The following NAPEPLD variants were observed in gnomAD, a reference collection of about 807,000 sequenced individuals.
NAPEPLD encodes N-acyl phosphatidylethanolamine phospholipase D.
A neutral mutation model predicts 38.1 loss-of-function variants in NAPEPLD; 23 were observed. That is an observed-to-expected ratio of 0.60 (90% CI 0.43 to 0.86). The LOEUF is 0.86. Among genes scored for constraint, NAPEPLD ranks in the 40% least tolerant of loss-of-function variants. The pLI is 0.00. For synonymous variants in NAPEPLD, 147 were observed against 162.0 expected, an observed-to-expected ratio of 0.91 and a Z score of 0.71; for missense variants, 411 against 476.8, an observed-to-expected ratio of 0.86 and a Z score of 1.28.
chr7:103,131,933 G>C (rs1809029967), intron 1 of NAPEPLD, among the ~76,000 whole-genome samples: 1 of 152,190 alleles, frequency 6.6e-6, no homozygotes. Flanking sequence ...GGCCAACACA[G>C]TGAAGGCTCG....
intron 1 of NAPEPLD, among the ~76,000 whole-genome samples, chr7:103,133,010 A>G (rs186351657): frequency 1.1e-3 from 163 of 152,320 alleles, no homozygotes; most frequent in Non-Finnish European, 1.9e-3. Flanking sequence ...TAACACACAC[A>G]AAGTCCAGTT....
chr7:103,118,691 TTTG>T (rs1253718203), intron 3 of NAPEPLD, among the ~76,000 whole-genome samples: 2 of 152,222 alleles, frequency 1.3e-5, no homozygotes, highest in African/African-American at 2.4e-5. Context: ...CTATTAGTGT[TTTG>T]TTTTCTCTTT....
At chr7:103,129,125 C>T (rs957381436) in intron 1 of NAPEPLD, among the ~76,000 whole-genome samples, 5 of 152,092 alleles carry the variant, frequency 3.3e-5, no homozygotes, top group African/African-American at 1.2e-4. Context: ...ATTAGCCAGG[C>T]ATGGTGGCAC....
At chr7:103,129,892 A>C (rs1195045701) in intron 1 of NAPEPLD, among the ~76,000 whole-genome samples, 15 of 152,162 alleles carry the variant, frequency 9.9e-5, no homozygotes, top group Non-Finnish European at 1.5e-4. Context: ...ATCACAGCTC[A>C]ATCAATGTCA....
chr7:103,099,807 T>G lies in NAPEPLD; in HGVS notation c.*3622A>C, dbSNP rs1281171211. The G allele has an allele frequency of 6.6e-6, 1 of 152,142 alleles. No homozygotes were observed. The highest frequency in any genetic ancestry group is 2.4e-5 in the African/African-American group (1 of 41,414). The allele number at this position is 152,142 out of a possible 1,614,324, so 9.4% of individuals were successfully genotyped here. On this transcript the variant is annotated 3_prime_UTR_variant, in exon 5 of 5. Coordinates refer to ENST00000465647, the MANE Select transcript of NAPEPLD (RefSeq NM_001122838.3). ...TTCCCTTGACAGTACTTTATTAATT[T>G]TCATCCATATTTTACTTGACTAAAA... is the stretch of plus-strand genomic sequence containing the variant.
chr7:103,120,972 A>G (rs1179215631), intron 2 of NAPEPLD, among the ~76,000 whole-genome samples: 1 of 151,938 alleles, frequency 6.6e-6, no homozygotes, highest in African/African-American at 2.4e-5. Flanking sequence ...TTGCCCTCCC[A>G]AAGTGCTGGT....
chr7:103,120,701 CTTTTTTTTTTTT>C (rs869141133), intron 2 of NAPEPLD, among the ~76,000 whole-genome samples: 1,609 of 82,556 alleles, frequency 0.019, 50 homozygotes, highest in African/African-American at 0.069. Flanking sequence ...TGATATTTTT[CTTTTTTTTTTTT>C]TTTTTTTTTT....
intron 4 of NAPEPLD, among the ~76,000 whole-genome samples, chr7:103,106,120 C>G (rs1283484157): frequency 6.6e-6 from 1 of 152,040 alleles, no homozygotes; most frequent in Non-Finnish European, 1.5e-5. Context: ...GGGGCATTGC[C>G]TCATCCAGGA....
intron 1 of NAPEPLD, among the ~76,000 whole-genome samples, chr7:103,132,063 C>T (rs1465874757): frequency 1.3e-5 from 2 of 151,992 alleles, no homozygotes; most frequent in African/African-American, 2.4e-5. Context: ...GCGGAGACTC[C>T]GTCTAAAAAG....
intron 1 of NAPEPLD, among the ~76,000 whole-genome samples, chr7:103,133,830 G>T (rs1172767717): frequency 6.6e-6 from 1 of 152,134 alleles, no homozygotes; most frequent in African/African-American, 2.4e-5. Context: ...ATGTGTACAT[G>T]AATACACAAA....
chr7:103,104,524 A>G (rs1802917315), intron 4 of NAPEPLD, among the ~76,000 whole-genome samples: 2 of 152,202 alleles, frequency 1.3e-5, no homozygotes, highest in African/African-American at 4.8e-5. Context: ...GTTTGGTAAC[A>G]GTTGTTGGCC....
At position 103,115,196 on chromosome 7, in the gene NAPEPLD, T is replaced by C. The variant is rs868423357; in HGVS notation, c.942-22A>G. On this transcript the variant is annotated intron_variant, in intron 3 of 4. Coordinates refer to ENST00000465647, the MANE Select transcript of NAPEPLD (RefSeq NM_001122838.3). ...CCACCTGAAGAAACATGGCAATTTC[T>C]TAATTCTGACCTTTGAGATATACAC... The C allele has an allele frequency of 1.9e-6, 3 of 1,562,646 alleles. 1 individual carries two copies. The Middle Eastern group carries it at 5.1e-4, about 263-fold the overall frequency.
At chr7:103,122,557 G>T (rs549026419) in intron 2 of NAPEPLD, among the ~76,000 whole-genome samples, 3 of 152,230 alleles carry the variant, frequency 2.0e-5, no homozygotes, top group African/African-American at 7.2e-5. Flanking sequence ...AGGACAAAAA[G>T]GTTTCTCTTA....
intron 4 of NAPEPLD, among the ~76,000 whole-genome samples, chr7:103,109,805 G>C (rs942284239): frequency 6.6e-6 from 1 of 151,286 alleles, no homozygotes; most frequent in Non-Finnish European, 1.5e-5. Flanking sequence ...AATGAATCCA[G>C]GAGCTGGATT....
chr7:103,137,325 A>G (rs749613621), intron 1 of NAPEPLD, among the ~76,000 whole-genome samples: 6 of 152,126 alleles, frequency 3.9e-5, no homozygotes, highest in Non-Finnish European at 7.3e-5. Flanking sequence ...AGTCACCAAA[A>G]TACATAAACA....
At chr7:103,148,583 C>G (rs1484496083) in intron 1 of NAPEPLD, among the ~76,000 whole-genome samples, 2 of 151,652 alleles carry the variant, frequency 1.3e-5, no homozygotes, top group Non-Finnish European at 1.5e-5. Context: ...ACAGAAAACT[C>G]AAGAAAGCAC....
intron 1 of NAPEPLD, among the ~76,000 whole-genome samples, chr7:103,133,419 T>C (rs1410476879): frequency 6.6e-6 from 1 of 152,226 alleles, no homozygotes; most frequent in African/African-American, 2.4e-5. Context: ...CTTGAAACTC[T>C]GGACTGGTTT....
At chr7:103,118,552 C>T (rs1482016132) in intron 3 of NAPEPLD, among the ~76,000 whole-genome samples, 1 of 152,166 alleles carries the variant, frequency 6.6e-6, no homozygotes, top group Admixed American at 6.5e-5. Flanking sequence ...TAGATTCATT[C>T]AATTCATCTA....
intron 1 of NAPEPLD, among the ~76,000 whole-genome samples, chr7:103,130,347 C>T (rs889330058): frequency 6.6e-6 from 1 of 152,190 alleles, no homozygotes. Flanking sequence ...AGCTAAAGCA[C>T]ACGCTGTTGC....
Sources: allele counts gnomAD v4.1 joint callset (sites outside exome capture counted in the v4.1 genomes callset), GRCh38; gene constraint gnomAD v4.1.1; transcripts MANE v1.5; gene names NCBI Gene and HGNC (gene_info 2026-07-23, HGNC 2026-07-21).